ZFHX2: variants seen among roughly 807,000 people sequenced by gnomAD.
The protein encoded by ZFHX2 is zinc finger homeobox 2, also known as zinc finger homeobox protein 2.
In ZFHX2, 75 loss-of-function variants were observed where a neutral mutation model predicts 164.8. That is an observed-to-expected ratio of 0.46 (90% CI 0.38 to 0.55). ZFHX2 has a LOEUF of 0.55. ZFHX2 is among the 20% of genes least tolerant of loss of function. The pLI is 0.00. For synonymous variants in ZFHX2, 1,217 were observed against 1,351.4 expected, an observed-to-expected ratio of 0.90 and a Z score of 2.18; for missense variants, 2,933 against 3,308.0, an observed-to-expected ratio of 0.89 and a Z score of 2.78.
rs946813201 is a variant in ZFHX2, at chr14:23,529,632, G to T, written c.2934+78C>A. 7 of 1,337,564 alleles carry T rather than the reference G, an allele frequency of 5.2e-6. No homozygotes were observed. In the African/African-American group the frequency reaches 7.3e-5, roughly 14 times the overall value. 82.9% of individuals were successfully genotyped at this position (1,337,564 alleles called of 1,614,324 possible). A position where few individuals can be genotyped will look rare whatever the true frequency, so the allele number is the denominator to read the frequency against. On this transcript the variant is annotated intron_variant, in intron 6 of 9. Coordinates refer to ENST00000419474, the MANE Select transcript of ZFHX2 (RefSeq NM_033400.3). ...ATAAGTCAAAGCATGACAAAATTAC[G>T]TCTGCCTTTAGAATATGAGCAGATC...
Position 23,522,175 on chromosome 14 carries a change from C to T in ZFHX2, c.7506G>A (p.Val2502=). 2.0e-6 allele frequency: 3 copies of T among 1,497,214 alleles called. No individual in the cohort carries two copies. The highest frequency in any genetic ancestry group is 2.7e-6 in the Non-Finnish European group (3 of 1,127,588). 92.7% of individuals were successfully genotyped at this position (1,497,214 alleles called of 1,614,324 possible). The change falls in exon 10 of 10, where the codon GTG becomes GTA. Residue 2502 remains valine (V), a synonymous_variant. Coordinates refer to ENST00000419474, the MANE Select transcript of ZFHX2 (RefSeq NM_033400.3). The part of the protein sequence containing the change: ...ICTYHCLACE[V]LLSGREALAS... ...CTAGGGCTTCACGCCCACTCAGCAG[C>T]ACCTCACATGCCAGGCAGTGGTAGG... is the stretch of plus-strand genomic sequence containing the variant.
chr14:23,527,885 T>A, intron 6 of ZFHX2, 81 bp from the exon 7 acceptor site: 2 of 908,828 alleles, frequency 2.2e-6, no homozygotes, highest in Non-Finnish European at 1.6e-6. Context: ...GATGCAGCAC[T>A]GGCCCGCCCC....
chr14:23,534,127 C>T lies in ZFHX2; in HGVS notation c.1199G>A (p.Gly400Asp). 4 of 1,480,116 alleles carry T rather than the reference C, an allele frequency of 2.7e-6. No homozygotes were observed. The highest frequency in any genetic ancestry group is 2.7e-5 in the South Asian group (2 of 74,108). The allele number at this position is 1,480,116 out of a possible 1,614,324, so 91.7% of individuals were successfully genotyped here. Residue 400 changes from glycine (G) to aspartate (D), a missense_variant, in exon 2 of 10, where the codon GGC (glycine) becomes GAC (aspartate). Physicochemically the swap from Gly to Asp is moderately conservative, Grantham distance 94. Transcript: ENST00000419474. This position sits in a 1 kb window ranked among gnomAD's most constrained non-coding sequence, Gnocchi z 4.5. The stretch of plus-strand genomic sequence containing the variant: ...GGAGCCCACTGGGGCAGGGAGAGTG[C>T]CCCCCTCCTTGGAGGTGGGTGAGCT... ...NQSSPTSKEG[G>D]TLPAPVGSPE...
At chr14:23,529,971 G>T in intron 5 of ZFHX2, 149 bp downstream of exon 5, 1 of 977,118 alleles carries the variant, frequency 1.0e-6, no homozygotes, top group Non-Finnish European at 1.5e-6. Flanking sequence ...CTAGCCTCTC[G>T]TGGCTCAGCC....
chr14:23,552,014 A>C (rs1164916014), upstream of ZFHX2, among the ~76,000 whole-genome samples: 1 of 151,944 alleles, frequency 6.6e-6, no homozygotes, highest in Non-Finnish European at 1.5e-5. Context: ...GAAACCATAC[A>C]TGTGTTTTGT....
intron 1 of ZFHX2, among the ~76,000 whole-genome samples, chr14:23,542,640 C>T (rs1880948576): frequency 6.6e-6 from 1 of 152,208 alleles, no homozygotes; most frequent in South Asian, 2.1e-4. Context: ...TCTGTATGAG[C>T]ACTCAGGGAG....
rs1395823635 is a variant in ZFHX2, at chr14:23,533,452, G to T, written c.1874C>A (p.Pro625His). 1 of 1,533,886 alleles carries T rather than the reference G, an allele frequency of 6.5e-7. No individual in the cohort carries two copies. The highest frequency in any genetic ancestry group is 2.0e-5 in the Admixed American group (1 of 50,912). ...PGPPPPPGATPTSPPELFQYF... is the reference protein window; with the variant it reads ...PGPPPPPGATHTSPPELFQYF... ...CTGGAAGAGTTCAGGGGGGCTAGTG[G>T]GGGTAGCCCCTGGTGGGGGAGGAGG... Residue 625 changes from proline (P) to histidine (H), a missense_variant, in exon 2 of 10, where the codon CCC (proline) becomes CAC (histidine). Transcript: ENST00000419474. The surrounding 1 kb of genome is among the most constrained non-coding windows in gnomAD (Gnocchi z 4.8).
intron 1 of ZFHX2, chr14:23,544,059 C>T (rs1881108846): frequency 6.6e-6 from 1 of 152,028 alleles, no homozygotes; most frequent in Non-Finnish European, 1.5e-5. Flanking sequence ...TGAGACCAGC[C>T]TGGCCAACAC....
In ZFHX2 at chr14:23,541,231, A is replaced by T. The variant is rs1880775680; in HGVS notation, c.-49-5857T>A. ...TCTGTTCACCCCTTTCTTGACCAAG[A>T]CTCATCCTCTAATCTCTGCCCTTTT... On this transcript the variant is annotated intron_variant, in intron 1 of 9. Transcript: ENST00000419474. 2.7e-5 allele frequency among the ~76,000 whole-genome samples: 4 copies of T among 147,270 alleles called. No homozygotes were observed. In the South Asian group the frequency reaches 6.4e-4, roughly 24 times the overall value.
At chr14:23,538,441 C>A (rs1444566593) in intron 1 of ZFHX2, among the ~76,000 whole-genome samples, 1 of 151,884 alleles carries the variant, frequency 6.6e-6, no homozygotes, top group African/African-American at 2.4e-5. Context: ...TTTCACTCCT[C>A]CATCTTTCCT....
chr14:23,527,794 C>T lies in ZFHX2; in HGVS notation c.2945G>A (p.Cys982Tyr), dbSNP rs1878941458. 2.6e-6 allele frequency: 4 copies of T among 1,534,890 alleles called. No homozygotes were observed. Among genetic ancestry groups the T allele is most frequent in the African/African-American group, 1.4e-5 (1 of 72,850 alleles). ...TGGGCTCAGGAAGCTGCAGTATGGA[C>T]AGCAGTATACCTGGAGGGAACATAT... Reference protein sequence around the residue: ...DSANQTTVYCCPYCSFLSPES... With the variant: ...DSANQTTVYCYPYCSFLSPES... The change falls in exon 7 of 10, where the codon TGT (cysteine) becomes TAT (tyrosine). Residue 982 changes from cysteine to tyrosine, a missense_variant. Physicochemically the swap from Cys to Tyr is radical, Grantham distance 194. Coordinates refer to ENST00000419474, the MANE Select transcript of ZFHX2 (RefSeq NM_033400.3).
chr14:23,528,615 G>C, intron 6 of ZFHX2: 1 of 985,336 alleles, frequency 1.0e-6, no homozygotes, highest in Non-Finnish European at 1.2e-6. Context: ...CCATCACCTG[G>C]AAAGGGGCCC....
In ZFHX2 at chr14:23,532,451, T is replaced by C. The variant is rs1879685889; in HGVS notation, c.2559+116A>G. 7.0e-6 allele frequency: 9 copies of C among 1,286,522 alleles called. No homozygotes were observed. The South Asian group carries it at 1.7e-4, about 24-fold the overall frequency. 79.7% of individuals were successfully genotyped at this position (1,286,522 alleles called of 1,614,324 possible). A position where few individuals can be genotyped will look rare whatever the true frequency, so the allele number is the denominator to read the frequency against. Reference sequence around the variant, plus strand: ...CATATGTCATTACCTGGTGCATACTTTCCTTTTTCTCCATTTGTCACCCAG... The same window carrying C: ...CATATGTCATTACCTGGTGCATACTCTCCTTTTTCTCCATTTGTCACCCAG... On this transcript the variant is annotated intron_variant, in intron 3 of 9. Coordinates refer to ENST00000419474, the MANE Select transcript of ZFHX2 (RefSeq NM_033400.3).
At chr14:23,532,530 T>C in intron 3 of ZFHX2, 37 bp downstream of exon 3, 1 of 1,428,716 alleles carries the variant, frequency 7.0e-7, no homozygotes, top group Non-Finnish European at 9.1e-7. Flanking sequence ...CCCATTCCCT[T>C]CTCCTCTTCC....
In ZFHX2 at chr14:23,535,288, G is replaced by T. The variant is rs1289109525; in HGVS notation, c.38C>A (p.Thr13Asn). 4.7e-6 allele frequency: 7 copies of T among 1,477,336 alleles called. No individual in the cohort carries two copies. In the South Asian group the frequency reaches 9.3e-5, roughly 20 times the overall value. 91.5% of individuals were successfully genotyped at this position (1,477,336 alleles called of 1,614,324 possible). Residue 13 changes from threonine to asparagine, a missense_variant, in exon 2 of 10, where the codon ACC becomes AAC. Transcript: ENST00000419474. This position sits in a 1 kb window ranked among gnomAD's most constrained non-coding sequence, Gnocchi z 4.5. ...CGGGGCATTGTGCCCAGGGGAGGGG[G>T]TGGTACCAGTGGTAGAGGCTGAGTT... ...TLNSASTTGTTPSPGHNAPSL... is the reference protein window; with the variant it reads ...TLNSASTTGTNPSPGHNAPSL...
chr14:23,539,901 A>C (rs1451345140), intron 1 of ZFHX2, among the ~76,000 whole-genome samples: 1 of 152,142 alleles, frequency 6.6e-6, no homozygotes, highest in Non-Finnish European at 1.5e-5. Context: ...TCCAAACCCA[A>C]CTCCATGGCA....
At chr14:23,529,221 G>T (rs1595150774) in intron 6 of ZFHX2, among the ~76,000 whole-genome samples, 1 of 152,280 alleles carries the variant, frequency 6.6e-6, no homozygotes, top group Non-Finnish European at 1.5e-5. Context: ...TTAGAGATTT[G>T]TGGCACATGC....
intron 6 of ZFHX2, 97 bp from the exon 7 acceptor site, chr14:23,527,901 CTTTTTTTTTTTT>C: frequency 8.9e-6 from 4 of 448,794 alleles, no homozygotes; most frequent in Non-Finnish European, 1.1e-5. Flanking sequence ...GCCCCCACTC[CTTTTTTTTTTTT>C]TTTTTTTTTT....
chr14:23,526,113 G>T lies in ZFHX2; in HGVS notation c.3829C>A (p.Arg1277=). Residue 1277 remains arginine, a synonymous_variant, in exon 9 of 10, where the codon CGG becomes AGG. Transcript: ENST00000419474. ...MRSVLHQTRS[R]GTKTDSKIEG... ...ATCTTGGAATCAGTCTTGGTTCCCC[G>T]AGAGCGAGTCTGATGCAGAACTGAC... The T allele has an allele frequency of 6.5e-7, 1 of 1,536,448 alleles. No homozygotes were observed. Among genetic ancestry groups the T allele is most frequent in the Non-Finnish European group, 8.7e-7 (1 of 1,146,920 alleles).
Sources: gnomAD v4.1 joint callset for allele counts (sites outside exome capture counted in the v4.1 genomes callset) on GRCh38, gnomAD v4.1.1 for gene constraint, Gnocchi (gnomAD v3.1) non-coding constraint, MANE v1.5 for transcripts, NCBI Gene and HGNC (gene_info 2026-07-23, HGNC 2026-07-21) for gene names.